RASA2: variants seen among roughly 807,000 people sequenced by gnomAD.
The protein encoded by RASA2 is RAS p21 protein activator 2.
In RASA2, 155 loss-of-function variants were observed where a neutral mutation model predicts 118.2. The observed-to-expected ratio is 1.31, with a 90% confidence interval of 1.15 to 1.50. The LOEUF (loss-of-function observed/expected upper bound fraction) is 1.50. Ranked by LOEUF, RASA2 falls within the 40% of genes most tolerant of loss-of-function variation. The probability of loss-of-function intolerance (pLI) is 0.00; values close to 1 mark genes in which losing one functional copy is unlikely to be tolerated. For synonymous variants in RASA2, 353 were observed against 349.1 expected (o/e 1.01, Z -0.12); for missense variants, 1,016 against 1,009.6 (o/e 1.01, Z -0.09).
At chr3:141,573,440 T>G (rs2151131699) in intron 13 of RASA2, among the ~76,000 whole-genome samples, 1 of 152,354 alleles carries the variant, frequency 6.6e-6, no homozygotes, top group Middle Eastern at 3.4e-3. Flanking sequence ...ATTGTCTCTT[T>G]TTGGCTCTAG....
intron 2 of RASA2, among the ~76,000 whole-genome samples, chr3:141,515,923 T>G (rs979469098): frequency 2.0e-5 from 3 of 149,698 alleles, no homozygotes; most frequent in African/African-American, 7.4e-5. Flanking sequence ...AAAGTGATAT[T>G]ATCATTCTCA....
chr3:141,606,892 T>C (rs1344502823), intron 19 of RASA2, among the ~76,000 whole-genome samples: 3 of 152,198 alleles, frequency 2.0e-5, no homozygotes, highest in Non-Finnish European at 4.4e-5. Flanking sequence ...CTTTGATTTT[T>C]CTAAGAACAA....
At chr3:141,495,870 A>C (rs1312570291) in intron 1 of RASA2, among the ~76,000 whole-genome samples, 4 of 152,284 alleles carry the variant, frequency 2.6e-5, no homozygotes, top group Non-Finnish European at 5.9e-5. Context: ...GCAACTAAAA[A>C]GAATGAGGTA....
At position 141,581,123 on chromosome 3, in the gene RASA2, G is replaced by C. The variant is rs777498590; in HGVS notation, c.1698G>C (p.Met566Ile). 1 of 1,538,692 alleles carries C rather than the reference G, an allele frequency of 6.5e-7. No individual in the cohort carries two copies. Among genetic ancestry groups the C allele is most frequent in the East Asian group, 2.5e-5 (1 of 39,340 alleles). The change falls in exon 17 of 24, where the codon ATG becomes ATC. Residue 566 changes from methionine to isoleucine, a missense_variant. Coordinates refer to ENST00000286364, the MANE Select transcript of RASA2 (RefSeq NM_006506.5). ...AGTCAAGTTTCAAAGAGACATTCAT[G>C]TGTGAATTTTTCAAAATGTTTCAAG... Reference protein sequence around the residue: ...KSKSSFKETFMCEFFKMFQEE... With the variant: ...KSKSSFKETFICEFFKMFQEE...
chr3:141,557,504 A>G (rs2082667661), intron 7 of RASA2, among the ~76,000 whole-genome samples: 1 of 152,216 alleles, frequency 6.6e-6, no homozygotes, highest in African/African-American at 2.4e-5. Context: ...TGTGTAAGGA[A>G]ATAATGGAAA....
rs182707817 is a variant in RASA2, at chr3:141,569,880, G to A, written c.864-1032G>A. On this transcript the variant is annotated intron_variant, in intron 9 of 23. Transcript: ENST00000286364. Reference sequence around the variant, plus strand: ...GCTCCCACTTACAAGTGAGAACATAGGGTATTTGGTTTTCTGTTTCTGCAT... The same window carrying A: ...GCTCCCACTTACAAGTGAGAACATAAGGTATTTGGTTTTCTGTTTCTGCAT... Among the ~76,000 whole-genome samples the A allele has an allele frequency of 3.2e-3, 487 of 152,112 alleles. 2 individuals carry two copies. Among genetic ancestry groups the A allele is most frequent in the Non-Finnish European group, 6.1e-3 (413 of 68,002 alleles).
Position 141,580,085 on chromosome 3 carries a change from A to AAAT in RASA2, c.1591-282_1591-281insATA, listed in dbSNP as rs1553797703. Among the ~76,000 whole-genome samples the AAAT allele has an allele frequency of 6.0e-3, 355 of 59,600 alleles. 3 individuals are homozygous for AAAT. The highest frequency in any genetic ancestry group is 7.9e-3 in the East Asian group (10 of 1,258). The allele number at this position is 59,600 out of a possible 152,430, so 39.1% of individuals were successfully genotyped here. On this transcript the variant is annotated intron_variant, in intron 15 of 23. Coordinates refer to ENST00000286364, the MANE Select transcript of RASA2 (RefSeq NM_006506.5). ...AAAAAAAAAGAAAAAAAAAAAAAAA[A>AAAT]ATATATATATATATATATATATATA...
intron 1 of RASA2, among the ~76,000 whole-genome samples, chr3:141,510,882 T>G (rs1464186344): frequency 6.6e-6 from 1 of 152,058 alleles, no homozygotes; most frequent in Non-Finnish European, 1.5e-5. Flanking sequence ...TGAAATGGTG[T>G]GGTATTGGAG....
intron 9 of RASA2, among the ~76,000 whole-genome samples, chr3:141,565,276 C>T (rs367727178): frequency 1.3e-5 from 2 of 152,148 alleles, no homozygotes; most frequent in African/African-American, 4.8e-5. Context: ...GGAGCCACCA[C>T]ACTTGACCTT....
At chr3:141,575,902 C>T (rs371446358) in intron 14 of RASA2, among the ~76,000 whole-genome samples, 3 of 152,176 alleles carry the variant, frequency 2.0e-5, no homozygotes, top group African/African-American at 4.8e-5. Flanking sequence ...TCCAGCCTCC[C>T]GAGTTGCTGG....
intron 1 of RASA2, among the ~76,000 whole-genome samples, chr3:141,497,624 G>T (rs1007263454): frequency 6.6e-6 from 1 of 151,920 alleles, no homozygotes; most frequent in African/African-American, 2.4e-5. Context: ...TGTAAGAATA[G>T]GCTGAGGAGG....
intron 3 of RASA2, chr3:141,525,867 A>G (rs1453344751): frequency 1.3e-5 from 2 of 152,120 alleles, no homozygotes; most frequent in Non-Finnish European, 2.9e-5. Flanking sequence ...AACTAAAACA[A>G]TCTTTGGGAC....
chr3:141,598,357 TTTATC>T (rs1237313247), intron 19 of RASA2, among the ~76,000 whole-genome samples: 6 of 152,324 alleles, frequency 3.9e-5, no homozygotes, highest in African/African-American at 1.2e-4. Flanking sequence ...ATCAACATAA[TTTATC>T]TTATTAACAG....
chr3:141,548,847 C>A (rs1157533979), intron 5 of RASA2, among the ~76,000 whole-genome samples: 1 of 152,170 alleles, frequency 6.6e-6, no homozygotes, highest in Non-Finnish European at 1.5e-5. Flanking sequence ...TTGCTGTAGT[C>A]ATTTTCTCGC....
Position 141,602,284 on chromosome 3 carries a change from T to TG in RASA2, c.1934-5388dup, listed in dbSNP as rs542359448. Among the ~76,000 whole-genome samples, 21 of 152,250 alleles carry TG rather than the reference T, an allele frequency of 1.4e-4. No individual in the cohort carries two copies. The South Asian group carries it at 4.2e-3, about 30-fold the overall frequency. ...GGAAGACAATTTTTCCACGGACTGG[T>TG]GGGGGGTCATGTATTTGGGATGAAA... On this transcript the variant is annotated intron_variant, in intron 19 of 23. Transcript: ENST00000286364.
At chr3:141,586,399 G>T (rs1259702974) in intron 18 of RASA2, among the ~76,000 whole-genome samples, 1 of 152,046 alleles carries the variant, frequency 6.6e-6, no homozygotes, top group East Asian at 1.9e-4. Flanking sequence ...TAAGTTAAGG[G>T]GGGGAACCAC....
chr3:141,497,843 G>T (rs1318813916), intron 1 of RASA2, among the ~76,000 whole-genome samples: 2 of 151,130 alleles, frequency 1.3e-5, no homozygotes, highest in African/African-American at 2.4e-5. Flanking sequence ...CTGCACTCCA[G>T]CCTGGGTGAC....
rs1197521648 is a variant in RASA2, at chr3:141,571,429, C to G, written c.1044C>G (p.Tyr348Ter). The change falls in exon 11 of 24, where the codon TAC (tyrosine) becomes TAG (stop). Residue 348 changes from tyrosine (Y) to a stop codon, truncating the protein, a stop_gained. Coordinates refer to ENST00000286364, the MANE Select transcript of RASA2 (RefSeq NM_006506.5). LOFTEE classifies it high-confidence loss of function. The part of the protein sequence containing the change: ...DVQPISASAA[Y>*]ILSEICRDKN... ...AGCCAATATCTGCCTCAGCTGCTTA[C>G]ATTTTGAGTGAAATATGTCGAGATA... The G allele has an allele frequency of 1.2e-6, 2 of 1,613,676 alleles. No homozygotes were observed. The highest frequency in any genetic ancestry group is 1.1e-5 in the South Asian group (1 of 90,946).
intron 5 of RASA2, among the ~76,000 whole-genome samples, chr3:141,543,876 C>CTTTTTTTT (rs529631210): frequency 4.3e-3 from 506 of 117,218 alleles, no homozygotes; most frequent in East Asian, 6.8e-3. Flanking sequence ...TTTCTTTTTT[C>CTTTTTTTT]TTTTTTTTTT....
Sources: allele counts gnomAD v4.1 joint callset (sites outside exome capture counted in the v4.1 genomes callset), GRCh38; gene constraint gnomAD v4.1.1; transcripts MANE v1.5; gene names NCBI Gene and HGNC (gene_info 2026-07-23, HGNC 2026-07-21).